The following CPQ variants were observed in gnomAD, a reference collection of about 807,000 sequenced individuals.
CPQ encodes the protein carboxypeptidase Q.
In CPQ, 37 loss-of-function variants were observed where a neutral mutation model predicts 45.7. That is an observed-to-expected ratio of 0.81 (90% CI 0.62 to 1.07). The LOEUF (loss-of-function observed/expected upper bound fraction) is 1.07. CPQ is among the 50% of genes least tolerant of loss of function. The pLI is 0.00. For synonymous variants in CPQ, 186 were observed against 205.8 expected (o/e 0.90, Z 0.82); for missense variants, 537 against 572.9 (o/e 0.94, Z 0.64).
Position 97,065,998 on chromosome 8 carries a change from C to A in CPQ, c.1054-11C>A. 6.2e-7 allele frequency: 1 copy of A among 1,609,358 alleles called. No homozygotes were observed. Among genetic ancestry groups the A allele is most frequent in the South Asian group, 1.1e-5 (1 of 90,346 alleles). ...ACAGATAAGAACCAAACAATTTTCT[C>A]TTGTGTTTAGGTAAATATTTCCAAC... On this transcript the variant is annotated splice_polypyrimidine_tract_variant and intron_variant, in intron 6 of 7. Coordinates refer to ENST00000220763, the MANE Select transcript of CPQ (RefSeq NM_016134.4).
chr8:96,856,447 T>C (rs1167264008), intron 3 of CPQ, among the ~76,000 whole-genome samples: 5 of 152,236 alleles, frequency 3.3e-5, no homozygotes, highest in African/African-American at 1.2e-4. Context: ...TAATGGCACA[T>C]ATTTTTATTT....
At chr8:96,741,238 C>G (rs1265889913) in intron 1 of CPQ, among the ~76,000 whole-genome samples, 2 of 152,162 alleles carry the variant, frequency 1.3e-5, no homozygotes, top group African/African-American at 4.8e-5. Context: ...TACATTTCTT[C>G]TAGATTTTCT....
At chr8:97,038,025 A>C (rs1428512128) in intron 6 of CPQ, among the ~76,000 whole-genome samples, 1 of 152,192 alleles carries the variant, frequency 6.6e-6, no homozygotes, top group African/African-American at 2.4e-5. Context: ...GAATTTTTTC[A>C]TGTTTCTGGG....
intron 7 of CPQ, among the ~76,000 whole-genome samples, chr8:97,140,282 C>T (rs1812137072): frequency 6.6e-6 from 1 of 151,814 alleles, no homozygotes; most frequent in African/African-American, 2.4e-5. Flanking sequence ...AAGAAAACAT[C>T]AGACTTTGAT....
At position 97,089,217 on chromosome 8, in the gene CPQ, T is replaced by A. The variant is rs1811090190; in HGVS notation, c.1255+23007T>A. Among the ~76,000 whole-genome samples the A allele has an allele frequency of 3.1e-5, 4 of 127,914 alleles. No homozygotes were observed. The South Asian group carries it at 9.3e-4, about 30-fold the overall frequency. 83.9% of individuals were successfully genotyped at this position (127,914 alleles called of 152,430 possible). A position where few individuals can be genotyped will look rare whatever the true frequency, so the allele number is the denominator to read the frequency against. The stretch of plus-strand genomic sequence containing the variant: ...GAGATCGTGCCATTACACTCCAGCC[T>A]GGGCAACAAGAGCAAAGCTCAGTCT... On this transcript the variant is annotated intron_variant, in intron 7 of 7. Coordinates refer to ENST00000220763, the MANE Select transcript of CPQ (RefSeq NM_016134.4).
chr8:96,795,450 A>G (rs1402225567), intron 2 of CPQ, among the ~76,000 whole-genome samples: 1 of 152,212 alleles, frequency 6.6e-6, no homozygotes, highest in African/African-American at 2.4e-5. Flanking sequence ...GGACACAGCC[A>G]AACCATATAA....
intron 7 of CPQ, among the ~76,000 whole-genome samples, chr8:97,116,701 A>G (rs1811599919): frequency 6.6e-6 from 1 of 152,240 alleles, no homozygotes; most frequent in African/African-American, 2.4e-5. Flanking sequence ...TCCATCTACA[A>G]CAAAGGAACA....
At chr8:96,678,334 TC>T (rs1245313239) in intron 1 of CPQ, among the ~76,000 whole-genome samples, 1 of 152,130 alleles carries the variant, frequency 6.6e-6, no homozygotes, top group Non-Finnish European at 1.5e-5. Context: ...GTTTGTGTCA[TC>T]TATGATTTCT....
chr8:96,833,312 A>AAAACT (rs1811484088), intron 2 of CPQ, among the ~76,000 whole-genome samples: 1 of 152,166 alleles, frequency 6.6e-6, no homozygotes, highest in Non-Finnish European at 1.5e-5. Flanking sequence ...AAAACAAAAC[A>AAAACT]AAACAAAAAA....
chr8:96,999,201 A>C (rs373198060), intron 5 of CPQ, among the ~76,000 whole-genome samples: 6 of 151,708 alleles, frequency 4.0e-5, no homozygotes, highest in African/African-American at 1.5e-4. Flanking sequence ...TTCTAAGCCC[A>C]AAATTTTTAA....
intron 1 of CPQ, among the ~76,000 whole-genome samples, chr8:96,666,208 T>C (rs1482721678): frequency 2.0e-5 from 3 of 152,134 alleles, no homozygotes; most frequent in Non-Finnish European, 2.9e-5. Flanking sequence ...GAATATTGGC[T>C]AGGTGTATGA....
intron 1 of CPQ, among the ~76,000 whole-genome samples, chr8:96,702,136 C>A (rs577410068): frequency 3.3e-5 from 5 of 152,190 alleles, no homozygotes; most frequent in Admixed American, 6.5e-5. Context: ...AACAAGAAGG[C>A]TTCTTTGGCC....
chr8:97,103,236 A>G (rs985629834), intron 7 of CPQ, among the ~76,000 whole-genome samples: 2 of 152,160 alleles, frequency 1.3e-5, no homozygotes, highest in African/African-American at 2.4e-5. Flanking sequence ...AGGAATTAGG[A>G]TGTGGCCAGC....
intron 4 of CPQ, among the ~76,000 whole-genome samples, chr8:96,947,576 T>TTG (rs1324791582): frequency 5.9e-5 from 9 of 152,232 alleles, no homozygotes; most frequent in African/African-American, 2.2e-4. Context: ...AATTTTAGAA[T>TTG]TGTGTTTTCT....
intron 1 of CPQ, among the ~76,000 whole-genome samples, chr8:96,722,205 G>A (rs911818077): frequency 6.6e-6 from 1 of 152,150 alleles, no homozygotes; most frequent in Non-Finnish European, 1.5e-5. Flanking sequence ...AATAGAGATA[G>A]TGTTTATTCC....
chr8:96,827,846 CT>C (rs1811399130), intron 2 of CPQ, among the ~76,000 whole-genome samples: 1 of 152,018 alleles, frequency 6.6e-6, no homozygotes, highest in Admixed American at 6.6e-5. Flanking sequence ...AAATCCTCTG[CT>C]TTAAGCATAT....
intron 1 of CPQ, among the ~76,000 whole-genome samples, chr8:96,649,717 G>A (rs1424433313): frequency 1.3e-5 from 2 of 152,206 alleles, no homozygotes; most frequent in Non-Finnish European, 2.9e-5. Flanking sequence ...ATGTCACACA[G>A]TCAAGACCTT....
intron 2 of CPQ, among the ~76,000 whole-genome samples, chr8:96,812,944 T>A (rs1050472657): frequency 6.6e-6 from 1 of 152,034 alleles, no homozygotes; most frequent in African/African-American, 2.4e-5. Flanking sequence ...GACAGTGATA[T>A]GGGTCCTCAC....
intron 5 of CPQ, among the ~76,000 whole-genome samples, chr8:97,018,917 A>G (rs1809626965): frequency 6.6e-6 from 1 of 152,228 alleles, no homozygotes; most frequent in African/African-American, 2.4e-5. Flanking sequence ...ATCACCACCT[A>G]GGCACATTGT....
Sources: allele counts gnomAD v4.1 joint callset (sites outside exome capture counted in the v4.1 genomes callset), GRCh38; gene constraint gnomAD v4.1.1; transcripts MANE v1.5; gene names NCBI Gene and HGNC (gene_info 2026-07-23, HGNC 2026-07-21).